TMEM161A: variants seen among roughly 807,000 people sequenced by gnomAD.
TMEM161A encodes transmembrane protein 161A, also known as adaptive response to oxidative stress protein 29.
A neutral mutation model predicts 57.1 loss-of-function variants in TMEM161A; 46 were observed. The ratio of observed to expected loss-of-function variants is 0.81; its 90% confidence interval spans 0.64 to 1.03. The LOEUF (loss-of-function observed/expected upper bound fraction) is 1.03, where lower values mean the gene tolerates loss of function less well. Ranked by LOEUF, TMEM161A falls within the 50% of genes least tolerant of loss-of-function variation. The probability of loss-of-function intolerance (pLI) is 0.00; values close to 1 mark genes in which losing one functional copy is unlikely to be tolerated. For synonymous variants in TMEM161A, 288 were observed against 279.0 expected (o/e 1.03, Z -0.32); for missense variants, 601 against 621.5 (o/e 0.97, Z 0.35).
Position 19,121,196 on chromosome 19 carries a change from T to G in TMEM161A, c.915-30A>C. ...GCGGAGAGGGCCGGGGGCAAGGGAC[T>G]AAGAAGGTCGCCCCCGACCCCCCAG... On this transcript the variant is annotated intron_variant, in intron 9 of 11. Transcript: ENST00000162044. The surrounding 1 kb of genome is among the most constrained non-coding windows in gnomAD (Gnocchi z 5.8). 1 of 1,575,112 alleles carries G rather than the reference T, an allele frequency of 6.3e-7. No individual in the cohort carries two copies. The highest frequency in any genetic ancestry group is 2.3e-5 in the East Asian group (1 of 43,482).
At chr19:19,125,253 A>G (rs968760126) in intron 6 of TMEM161A, among the ~76,000 whole-genome samples, 2 of 152,194 alleles carry the variant, frequency 1.3e-5, no homozygotes, top group African/African-American at 4.8e-5. Flanking sequence ...GAGACACTCA[A>G]ATTTGACCCC....
At position 19,119,885 on chromosome 19, in the gene TMEM161A, T is replaced by TGCCCCAGGAACAGACCTCAGG; in HGVS notation, c.*24_*44dup. The TGCCCCAGGAACAGACCTCAGG allele has an allele frequency of 1.3e-6, 2 of 1,539,476 alleles. No individual in the cohort carries two copies. Among genetic ancestry groups the TGCCCCAGGAACAGACCTCAGG allele is most frequent in the Non-Finnish European group, 1.8e-6 (2 of 1,140,928 alleles). On this transcript the variant is annotated 3_prime_UTR_variant, in exon 12 of 12. Transcript: ENST00000162044. ...CAGAGGGGGCAGGCTAGTGTCCCGCTGCCCCAGGAACAGACCTCAGGGCCC... is the reference window on the plus strand; with the variant it reads ...CAGAGGGGGCAGGCTAGTGTCCCGCTGCCCCAGGAACAGACCTCAGGGCCCCAGGAACAGACCTCAGGGCCC...
At chr19:19,136,590 AG>A (rs1191489640) in intron 1 of TMEM161A, among the ~76,000 whole-genome samples, 1 of 152,156 alleles carries the variant, frequency 6.6e-6, no homozygotes, top group Non-Finnish European at 1.5e-5. Context: ...TGGGAGGCAG[AG>A]GTTGCAGTGA....
rs142963150 is a variant in TMEM161A, at chr19:19,121,640, C to A, written c.685G>T (p.Val229Leu). ...ALPVAKLAIR[V>L]GLAVVGSVLG... Reference sequence around the variant, plus strand: ...ACAGAGCCCACCACTGCCAGTCCCACGCGGATAGCCAGCTTGGCCACAGGA... The same window carrying A: ...ACAGAGCCCACCACTGCCAGTCCCAAGCGGATAGCCAGCTTGGCCACAGGA... Residue 229 changes from valine to leucine, a missense_variant, in exon 8 of 12, where the codon GTG becomes TTG. By Grantham distance (32) the Val-to-Leu change is conservative (BLOSUM62 1). Coordinates refer to ENST00000162044, the MANE Select transcript of TMEM161A (RefSeq NM_017814.3). The surrounding 1 kb of genome is among the most constrained non-coding windows in gnomAD (Gnocchi z 5.8). 10 of 1,613,896 alleles carry A rather than the reference C, an allele frequency of 6.2e-6. No individual in the cohort carries two copies. In the South Asian group the frequency reaches 6.6e-5, roughly 11 times the overall value.
rs778386226 is a variant in TMEM161A, at chr19:19,132,456, C to T, written c.339G>A (p.Ser113=). The T allele has an allele frequency of 1.6e-5, 26 of 1,614,024 alleles. No individual in the cohort carries two copies. The highest frequency in any genetic ancestry group is 6.7e-5 in the East Asian group (3 of 44,894). Residue 113 remains serine, a synonymous_variant, in exon 5 of 12, where the codon TCG becomes TCA. Transcript: ENST00000162044. This position sits in a 1 kb window ranked among gnomAD's most constrained non-coding sequence, Gnocchi z 4.3. Reference sequence around the variant, plus strand: ...CCTCTGTGAAGAGGTACACGCCGCCCGAGTACACAGCAAAGTCCACAAACC... The same window carrying T: ...CCTCTGTGAAGAGGTACACGCCGCCTGAGTACACAGCAAAGTCCACAAACC... ...YQWFVDFAVY[S]GGVYLFTEAY...
rs1159824055 is a variant in TMEM161A, at chr19:19,121,290, G to A, written c.914+18C>T. ...CCAGGGGAGCCCCAGCTACCTCCTA[G>A]CCCCACCCAATACGCACAGGGAGAA... On this transcript the variant is annotated intron_variant, in intron 9 of 11. Transcript: ENST00000162044. This position sits in a 1 kb window ranked among gnomAD's most constrained non-coding sequence, Gnocchi z 5.8. 1 of 1,555,354 alleles carries A rather than the reference G, an allele frequency of 6.4e-7. No homozygotes were observed. The highest frequency in any genetic ancestry group is 2.0e-5 in the Admixed American group (1 of 51,174).
chr19:19,120,285 AC>A, intron 11 of TMEM161A, 102 bp from the exon 12 acceptor site: 1 of 1,047,534 alleles, frequency 9.5e-7, no homozygotes, highest in Non-Finnish European at 1.3e-6. Context: ...AGACACTCCC[AC>A]CCCTGTCTCA....
rs201724479 is a variant in TMEM161A at position 19,120,863 on chromosome 19, T to C, written c.1090-2A>G. ...CACATAGCAGTAGACTCGGACCACC[T>C]GTGGGCAGGTAGCAGGGGTGGCTGC... On this transcript the variant is annotated splice_acceptor_variant, in intron 10 of 11. Transcript: ENST00000162044. LOFTEE classifies it high-confidence loss of function. 4.5e-5 allele frequency: 72 copies of C among 1,613,272 alleles called. 1 individual carries two copies. The African/African-American group carries it at 7.5e-4, about 17-fold the overall frequency.
intron 1 of TMEM161A, among the ~76,000 whole-genome samples, chr19:19,137,563 A>T (rs369652119): frequency 3.3e-5 from 5 of 152,232 alleles, no homozygotes; most frequent in Non-Finnish European, 5.9e-5. Context: ...GATAAAATCA[A>T]TGCAGCCTCC....
At position 19,133,313 on chromosome 19, in the gene TMEM161A, C is replaced by G. The variant is rs770398622; in HGVS notation, c.108-103G>C. ...ATTCTAGTTAGAGGGTAGCCTAGGC[C>G]AGGGGAACACTGGGAGGTAGGTGAG... is the stretch of plus-strand genomic sequence containing the variant. On this transcript the variant is annotated intron_variant, in intron 2 of 11. Coordinates refer to ENST00000162044, the MANE Select transcript of TMEM161A (RefSeq NM_017814.3). The G allele has an allele frequency of 3.9e-5, 39 of 999,822 alleles. No homozygotes were observed. In the African/African-American group the frequency reaches 5.6e-4, roughly 14 times the overall value. 61.9% of individuals were successfully genotyped at this position (999,822 alleles called of 1,614,324 possible).
At position 19,121,794 on chromosome 19, in the gene TMEM161A, T is replaced by C; in HGVS notation, c.621A>G (p.Leu207=). 1.2e-6 allele frequency: 2 copies of C among 1,613,982 alleles called. No individual in the cohort carries two copies. The highest frequency in any genetic ancestry group is 1.7e-6 in the Non-Finnish European group (2 of 1,180,000). ...EPGLASMTQN[L]EPLLKKQGWD... is the part of the protein sequence containing the mutation. ...AGCCCTGCTTCTTCAGAAGTGGCTCTAAGTTCTGGGTCATGCTGGCCAGAC... is the reference window on the plus strand; with the variant it reads ...AGCCCTGCTTCTTCAGAAGTGGCTCCAAGTTCTGGGTCATGCTGGCCAGAC... Residue 207 remains leucine (L), a synonymous_variant, in exon 7 of 12, where the codon TTA becomes TTG. Coordinates refer to ENST00000162044, the MANE Select transcript of TMEM161A (RefSeq NM_017814.3). This position sits in a 1 kb window ranked among gnomAD's most constrained non-coding sequence, Gnocchi z 5.8.
chr19:19,123,293 T>C (rs1454929917), intron 6 of TMEM161A, among the ~76,000 whole-genome samples: 1 of 152,190 alleles, frequency 6.6e-6, no homozygotes, highest in Non-Finnish European at 1.5e-5. Context: ...GTTGAGAAGT[T>C]TGCAGAATGA....
intron 6 of TMEM161A, among the ~76,000 whole-genome samples, chr19:19,124,020 C>G (rs1053345896): frequency 6.6e-5 from 10 of 151,560 alleles, no homozygotes; most frequent in African/African-American, 2.4e-4. Flanking sequence ...CGCCACTGCA[C>G]TCCAGCCTGG....
At chr19:19,130,908 G>GGGAT (rs1413976441) in intron 5 of TMEM161A, among the ~76,000 whole-genome samples, 6 of 145,614 alleles carry the variant, frequency 4.1e-5, no homozygotes, top group Admixed American at 2.7e-4. Flanking sequence ...GCACGACAGA[G>GGGAT]GGATATCTTG....
chr19:19,119,799 TG>T lies in TMEM161A; in HGVS notation c.*130del. On this transcript the variant is annotated 3_prime_UTR_variant, in exon 12 of 12. Coordinates refer to ENST00000162044, the MANE Select transcript of TMEM161A (RefSeq NM_017814.3). ...AAGGGGGGCCGCGGGTCAGGCACTG[TG>T]GTGAAGGGAACGCCGGGGAGTCCGG... is the stretch of plus-strand genomic sequence containing the variant. 1 of 1,189,674 alleles carries T rather than the reference TG, an allele frequency of 8.4e-7. No individual in the cohort carries two copies. The highest frequency in any genetic ancestry group is 1.2e-6 in the Non-Finnish European group (1 of 860,930). 73.7% of individuals were successfully genotyped at this position (1,189,674 alleles called of 1,614,324 possible).
intron 6 of TMEM161A, among the ~76,000 whole-genome samples, chr19:19,125,336 T>G (rs2059925644): frequency 6.6e-6 from 1 of 152,120 alleles, no homozygotes; most frequent in Admixed American, 6.6e-5. Context: ...ATATGAAATG[T>G]AAAAGTTGAA....
intron 1 of TMEM161A, among the ~76,000 whole-genome samples, chr19:19,136,372 G>C (rs1236351452): frequency 6.6e-6 from 1 of 152,060 alleles, no homozygotes; most frequent in Non-Finnish European, 1.5e-5. Flanking sequence ...AATGACTGCT[G>C]AGGCCAGGTG....
At chr19:19,127,312 C>G (rs1036547603) in intron 6 of TMEM161A, among the ~76,000 whole-genome samples, 12 of 131,300 alleles carry the variant, frequency 9.1e-5, no homozygotes, top group African/African-American at 3.4e-4. Flanking sequence ...AAATAGTGTT[C>G]AGTCTTTTTT....
chr19:19,128,152 G>T (rs2059940093), intron 6 of TMEM161A, among the ~76,000 whole-genome samples: 1 of 152,028 alleles, frequency 6.6e-6, no homozygotes, highest in Non-Finnish European at 1.5e-5. Flanking sequence ...TGTTTGATGG[G>T]CTGGAGTTTC....
Sources: allele counts gnomAD v4.1 joint callset (sites outside exome capture counted in the v4.1 genomes callset), GRCh38; gene constraint gnomAD v4.1.1; non-coding constraint Gnocchi (gnomAD v3.1); transcripts MANE v1.5; gene names NCBI Gene and HGNC (gene_info 2026-07-23, HGNC 2026-07-21).